Variants in CT47C1 observed in about 807,000 individuals in gnomAD.
CT47C1 encodes the protein cancer/testis antigen family 47 member C1.
the CT47C1 span, among the ~76,000 whole-genome samples, chrX:119,076,714 A>T: frequency 4.4e-5 from 5 of 112,564 alleles, no homozygotes; most frequent in African/African-American, 1.6e-4. Context: ...AATGATTTTC[A>T]TACTGATTAC....
chrX:119,076,592 G>A, the CT47C1 span, among the ~76,000 whole-genome samples: 12 of 112,302 alleles, frequency 1.1e-4, no homozygotes, highest in African/African-American at 3.9e-4. Flanking sequence ...CTTTAGAGCT[G>A]TACTGTCTAC....
chrX:119,073,468 G>T, the CT47C1 span: 2 of 512,541 alleles, frequency 3.9e-6, no homozygotes, highest in Non-Finnish European at 7.0e-6. Context: ...CAGAGATCAG[G>T]ATAGTAGTGG....
Sources: allele counts gnomAD v4.1 joint callset (sites outside exome capture counted in the v4.1 genomes callset), GRCh38; gene constraint gnomAD v4.1.1; transcripts MANE v1.5; gene names NCBI Gene and HGNC (gene_info 2026-07-23, HGNC 2026-07-21).